The following TRAK1 variants were observed in gnomAD, a reference collection of about 807,000 sequenced individuals.
The protein encoded by TRAK1 is trafficking kinesin protein 1.
A neutral mutation model predicts 92.1 loss-of-function variants in TRAK1; 33 were observed. That is an observed-to-expected ratio of 0.36 (90% CI 0.27 to 0.48). TRAK1 has a LOEUF of 0.48. Ranked by LOEUF, TRAK1 falls within the 20% of genes least tolerant of loss-of-function variation. TRAK1 has a pLI of 0.99. For synonymous variants in TRAK1, 521 were observed against 517.3 expected (o/e 1.01, Z -0.10); for missense variants, 1,123 against 1,257.9 (o/e 0.89, Z 1.62).
At chr3:42,100,402 G>C (rs1176009853) in intron 1 of TRAK1, among the ~76,000 whole-genome samples, 1 of 152,156 alleles carries the variant, frequency 6.6e-6, no homozygotes, top group African/African-American at 2.4e-5. Context: ...GGTGAGGCAG[G>C]TAACTTAGTT....
chr3:42,143,416 A>C (rs1455926720), intron 2 of TRAK1, among the ~76,000 whole-genome samples: 1 of 150,024 alleles, frequency 6.7e-6, no homozygotes, highest in Middle Eastern at 3.2e-3. Context: ...TTCCTGGTTT[A>C]TATCCAGATG....
intron 1 of TRAK1, among the ~76,000 whole-genome samples, chr3:42,015,808 A>G (rs963034665): frequency 3.9e-5 from 6 of 152,164 alleles, no homozygotes; most frequent in Non-Finnish European, 5.9e-5. Context: ...AGGCTGAGGC[A>G]GGTGGATCAC....
chr3:42,099,365 T>A (rs1291896167), intron 1 of TRAK1, among the ~76,000 whole-genome samples: 1 of 151,056 alleles, frequency 6.6e-6, no homozygotes, highest in Non-Finnish European at 1.5e-5. Context: ...GAGGGGGAGG[T>A]GGCCCAAGGA....
At chr3:42,101,425 T>G (rs1239800768) in intron 1 of TRAK1, among the ~76,000 whole-genome samples, 2 of 152,252 alleles carry the variant, frequency 1.3e-5, no homozygotes, top group East Asian at 3.8e-4. Context: ...GGAGTGGCAC[T>G]GAATGGCCGA....
At chr3:42,185,660 T>C (rs75799057) in intron 4 of TRAK1, among the ~76,000 whole-genome samples, 7,700 of 144,844 alleles carry the variant, frequency 0.053, 244 homozygotes, top group Middle Eastern at 0.087. Flanking sequence ...TTTTCCCCTT[T>C]TCTTATTCCT....
rs759677220 is a variant in TRAK1 at position 42,202,704 on chromosome 3, A to T, written c.1696A>T (p.Ser566Cys). The T allele has an allele frequency of 6.2e-7, 1 of 1,613,858 alleles. No homozygotes were observed. Among genetic ancestry groups the T allele is most frequent in the Non-Finnish European group, 8.5e-7 (1 of 1,179,940 alleles). ...CGGCTTCTCTGGCATGTCCTTCAGC[A>T]GCCGCTCCTACCTGCCTGAGAAGCT... ...FTGFSGMSFS[S>C]RSYLPEKLQI... The change falls in exon 13 of 16, where the codon AGC becomes TGC. Residue 566 changes from serine to cysteine, a missense_variant. By Grantham distance (112) the Ser-to-Cys change is moderately radical (BLOSUM62 -1). This residue lies in a region of TRAK1 where 686 missense variants were observed against 747.6 expected (regional missense o/e 0.92). Coordinates refer to ENST00000327628, the MANE Select transcript of TRAK1 (RefSeq NM_001042646.3). The surrounding 1 kb of genome is among the most constrained non-coding windows in gnomAD (Gnocchi z 6.1).
rs566412905 is a variant in TRAK1, at chr3:42,224,020, A to T, written c.*283A>T. The T allele has an allele frequency of 1.5e-4, 92 of 594,476 alleles. No individual in the cohort carries two copies. In the African/African-American group the frequency reaches 1.6e-3, roughly 10 times the overall value. The allele number at this position is 594,476 out of a possible 1,614,324, so 36.8% of individuals were successfully genotyped here. ...TCTCACGAGGACGTCACCTGTGCTA[A>T]CCTGGGGGAAGGTGGGGTCCTTTCT... On this transcript the variant is annotated 3_prime_UTR_variant, in exon 16 of 16. Coordinates refer to ENST00000327628, the MANE Select transcript of TRAK1 (RefSeq NM_001042646.3).
chr3:42,064,730 T>C (rs535205644), intron 1 of TRAK1, among the ~76,000 whole-genome samples: 2 of 152,166 alleles, frequency 1.3e-5, no homozygotes, highest in South Asian at 2.1e-4. Flanking sequence ...ATAGTAAGGG[T>C]ATATTTTTAA....
chr3:42,042,206 C>T (rs1209405267), intron 1 of TRAK1, among the ~76,000 whole-genome samples: 7 of 151,312 alleles, frequency 4.6e-5, no homozygotes, highest in Non-Finnish European at 7.4e-5. Context: ...GGATTACAGG[C>T]GTGAGCCATC....
At chr3:42,032,684 A>G (rs1382773317) in intron 1 of TRAK1, among the ~76,000 whole-genome samples, 2 of 152,204 alleles carry the variant, frequency 1.3e-5, no homozygotes, top group Non-Finnish European at 2.9e-5. Context: ...CCAGTCTGGC[A>G]GCAAACATTT....
intron 1 of TRAK1, among the ~76,000 whole-genome samples, chr3:42,081,542 C>A (rs900975617): frequency 6.6e-6 from 1 of 152,164 alleles, no homozygotes; most frequent in African/African-American, 2.4e-5. Context: ...TGGGGGAGAT[C>A]AGCCCTGGAC....
At chr3:42,180,263 A>T (rs937636980) in intron 3 of TRAK1, among the ~76,000 whole-genome samples, 2 of 152,174 alleles carry the variant, frequency 1.3e-5, no homozygotes, top group Non-Finnish European at 2.9e-5. Flanking sequence ...TTAAGTACAT[A>T]GTAGGTATAT....
intron 14 of TRAK1, among the ~76,000 whole-genome samples, chr3:42,214,723 G>A (rs1458078645): frequency 6.6e-6 from 1 of 152,188 alleles, no homozygotes. Flanking sequence ...TGTGTGGTTC[G>A]AAATCTCTGT....
chr3:42,122,256 C>A (rs1709982865), intron 1 of TRAK1, among the ~76,000 whole-genome samples: 1 of 152,038 alleles, frequency 6.6e-6, no homozygotes, highest in East Asian at 1.9e-4. Flanking sequence ...GCCCTGGAAA[C>A]ATGGAAGGAC....
In TRAK1 at chr3:42,053,284, G is replaced by T. The variant is rs1445685005; in HGVS notation, c.-518-33820G>T. On this transcript the variant is annotated intron_variant, in intron 1 of 16. Transcript: ENST00000487159. ...AGCTCATTTTCCGTGTGAAGAAAAA[G>T]AAAAGGTGGATAATGGACCGCCTCC... Among the ~76,000 whole-genome samples the T allele has an allele frequency of 4.6e-5, 6 of 131,216 alleles. No homozygotes were observed. In the East Asian group the frequency reaches 1.4e-3, roughly 30 times the overall value. 86.1% of individuals were successfully genotyped at this position (131,216 alleles called of 152,430 possible).
In TRAK1 at chr3:42,193,217, C is replaced by T. The variant is rs766101884; in HGVS notation, c.900+12C>T. ...AAAAGGCAAAAGCTGTAAGGCTTCTCTGTTTATCTGGCTGATACAACAATG... is the reference window on the plus strand; with the variant it reads ...AAAAGGCAAAAGCTGTAAGGCTTCTTTGTTTATCTGGCTGATACAACAATG... On this transcript the variant is annotated intron_variant, in intron 8 of 15. Transcript: ENST00000327628. 3 of 1,613,486 alleles carry T rather than the reference C, an allele frequency of 1.9e-6. No individual in the cohort carries two copies. Among genetic ancestry groups the T allele is most frequent in the Non-Finnish European group, 1.7e-6 (2 of 1,179,744 alleles).
At chr3:42,156,381 G>T (rs570460804) in intron 2 of TRAK1, among the ~76,000 whole-genome samples, 1 of 152,322 alleles carries the variant, frequency 6.6e-6, no homozygotes, top group East Asian at 1.9e-4. Flanking sequence ...TAAACCCAGA[G>T]AAATGGGGTG....
chr3:42,218,444 G>A lies in TRAK1; in HGVS notation c.1964-1050G>A, dbSNP rs555850681. ...GGCTGAGCTGCTACAGGGGCAGAGG[G>A]TGGGGTGGGGTTGGGTGGGAGAATC... On this transcript the variant is annotated intron_variant, in intron 14 of 15. Transcript: ENST00000327628. 17 of 982,734 alleles carry A rather than the reference G, an allele frequency of 1.7e-5. No homozygotes were observed. The African/African-American group carries it at 2.3e-4, about 13-fold the overall frequency. 60.9% of individuals were successfully genotyped at this position (982,734 alleles called of 1,614,324 possible).
In TRAK1 at chr3:42,193,181, T is replaced by A; in HGVS notation, c.876T>A (p.Val292=). ...EEITHLLSQI[V]DLQKKAKACA... ...TCACACACCTGCTATCGCAAATAGT[T>A]GATTTGCAGAAAAAGGCAAAAGCTG... Residue 292 remains valine, a synonymous_variant, in exon 8 of 16, where the codon GTT becomes GTA. Transcript: ENST00000327628. 6.2e-7 allele frequency: 1 copy of A among 1,614,158 alleles called. No homozygotes were observed. Among genetic ancestry groups the A allele is most frequent in the Non-Finnish European group, 8.5e-7 (1 of 1,180,010 alleles).
Sources: gnomAD v4.1 joint callset for allele counts (sites outside exome capture counted in the v4.1 genomes callset) on GRCh38, gnomAD v4.1.1 for gene constraint, gnomAD v4.1.1 regional missense constraint, Gnocchi (gnomAD v3.1) non-coding constraint, MANE v1.5 for transcripts, NCBI Gene and HGNC (gene_info 2026-07-23, HGNC 2026-07-21) for gene names.